KLHL1: variants seen among roughly 807,000 people sequenced by gnomAD.
KLHL1 encodes the protein kelch like family member 1, also known as kelch-like protein 1.
In KLHL1, 47 loss-of-function variants were observed where a neutral mutation model predicts 77.7. The ratio of observed to expected loss-of-function variants is 0.60; its 90% CI spans 0.48 to 0.77. The LOEUF (loss-of-function observed/expected upper bound fraction) is 0.77. Among genes scored for constraint, KLHL1 ranks in the 30% least tolerant of loss-of-function variants. KLHL1 has a pLI of 0.00. For missense variants in KLHL1, 925 were observed against 910.8 expected, an observed-to-expected ratio of 1.02 and a Z score of -0.20; for synonymous variants, 360 against 325.2, an observed-to-expected ratio of 1.11 and a Z score of -1.15.
chr13:70,086,613 AGAAAGAAAG>A (rs1566564308), intron 1 of KLHL1, among the ~76,000 whole-genome samples: 1 of 103,338 alleles, frequency 9.7e-6, no homozygotes, highest in Non-Finnish European at 2.2e-5. Flanking sequence ...AAAGAAAGAA[AGAAAGAAAG>A]AAAGAAAGAA....
intron 7 of KLHL1, among the ~76,000 whole-genome samples, chr13:69,791,092 C>CAAAG (rs1386245614): frequency 6.6e-6 from 1 of 151,604 alleles, no homozygotes; most frequent in Non-Finnish European, 1.5e-5. Flanking sequence ...ATAATAAATA[C>CAAAG]AAAGAAATAT....
intron 1 of KLHL1, among the ~76,000 whole-genome samples, chr13:70,026,146 A>G (rs924953997): frequency 2.6e-5 from 4 of 152,286 alleles, no homozygotes; most frequent in Middle Eastern, 6.8e-3. Flanking sequence ...TCAGCAATAA[A>G]TAAATAATCT....
chr13:70,028,360 G>A (rs1380079824), intron 1 of KLHL1, among the ~76,000 whole-genome samples: 2 of 152,096 alleles, frequency 1.3e-5, no homozygotes, highest in Non-Finnish European at 2.9e-5. Flanking sequence ...TATATAGACA[G>A]AGGTATGTCT....
At chr13:70,018,081 C>A (rs951401645) in intron 1 of KLHL1, among the ~76,000 whole-genome samples, 23 of 151,892 alleles carry the variant, frequency 1.5e-4, no homozygotes, top group African/African-American at 5.1e-4. Flanking sequence ...ATCTTTAAAT[C>A]TATGAAAATA....
chr13:70,063,353 G>A (rs549928742), intron 1 of KLHL1, among the ~76,000 whole-genome samples: 6 of 152,084 alleles, frequency 3.9e-5, no homozygotes, highest in Non-Finnish European at 8.8e-5. Context: ...TAAATCTTAT[G>A]TTCTTTATAA....
chr13:70,001,202 A>G (rs1200622835), intron 1 of KLHL1, among the ~76,000 whole-genome samples: 2 of 151,136 alleles, frequency 1.3e-5, no homozygotes, highest in African/African-American at 4.8e-5. Context: ...AGAAAATATA[A>G]AACAGGAAAT....
At chr13:70,105,896 A>C (rs1456490247) in intron 1 of KLHL1, among the ~76,000 whole-genome samples, 2 of 150,854 alleles carry the variant, frequency 1.3e-5, no homozygotes, top group Non-Finnish European at 3.0e-5. Context: ...TCCAGATTAT[A>C]CTTCTCCCTC....
intron 4 of KLHL1, among the ~76,000 whole-genome samples, chr13:69,922,830 G>T (rs1275960729): frequency 6.6e-6 from 1 of 152,074 alleles, no homozygotes. Flanking sequence ...AGTTAAAAAG[G>T]TCTATTCCTT....
intron 1 of KLHL1, among the ~76,000 whole-genome samples, chr13:70,068,339 T>TCAAAAACAAAAACAAAAA (rs72187113): frequency 1.3e-5 from 2 of 148,804 alleles, no homozygotes; most frequent in Admixed American, 6.7e-5. Flanking sequence ...AGACTCCGTC[T>TCAAAAACAAAAACAAAAA]CAAAAACAAA....
intron 8 of KLHL1, among the ~76,000 whole-genome samples, chr13:69,724,172 A>C (rs1566183504): frequency 6.6e-6 from 1 of 152,002 alleles, no homozygotes; most frequent in Non-Finnish European, 1.5e-5. Context: ...TATGACCTGG[A>C]AGTCCCCAAT....
At chr13:70,094,503 T>C (rs903741574) in intron 1 of KLHL1, among the ~76,000 whole-genome samples, 1 of 151,576 alleles carries the variant, frequency 6.6e-6, no homozygotes, top group South Asian at 2.1e-4. Context: ...TAAAATTATG[T>C]AGTCTCACGT....
chr13:69,810,850 C>T (rs1877848921), intron 6 of KLHL1, among the ~76,000 whole-genome samples: 1 of 152,012 alleles, frequency 6.6e-6, no homozygotes, highest in African/African-American at 2.4e-5. Context: ...ATGAACACCT[C>T]TATGCACACA....
In KLHL1 at chr13:69,936,965, G is replaced by A. The variant is rs2482570; in HGVS notation, c.1014+3075C>T. Among the ~76,000 whole-genome samples the A allele has an allele frequency of 6.5e-3, 992 of 152,226 alleles. 15 individuals are homozygous for A. The highest frequency in any genetic ancestry group is 0.023 in the African/African-American group (946 of 41,548). On this transcript the variant is annotated intron_variant, in intron 4 of 10. Transcript: ENST00000377844. ...TACATATCTTCCTGCAACTGCCCGTGGAGAATAATGGCTGCTGCTTCTCTT... is the reference window on the plus strand; with the variant it reads ...TACATATCTTCCTGCAACTGCCCGTAGAGAATAATGGCTGCTGCTTCTCTT...
rs142565741 is a variant in KLHL1 at position 69,870,805 on chromosome 13, A to G, written c.1227+11478T>C. Among the ~76,000 whole-genome samples the G allele has an allele frequency of 4.9e-4, 74 of 152,080 alleles. 1 individual carries two copies. The highest frequency in any genetic ancestry group is 1.7e-3 in the African/African-American group (69 of 41,532). On this transcript the variant is annotated intron_variant, in intron 5 of 10. Transcript: ENST00000377844. ...TTGACACTCCAAAATCATCTCCTGT[A>G]ACTCTATGTCCGGCACCTGGGGCAC... is the stretch of plus-strand genomic sequence containing the variant.
chr13:69,830,093 G>A (rs1313244405), intron 6 of KLHL1, among the ~76,000 whole-genome samples: 1 of 149,894 alleles, frequency 6.7e-6, no homozygotes, highest in Non-Finnish European at 1.5e-5. Flanking sequence ...AAAAAGAATA[G>A]TACCTCACAT....
At chr13:69,958,004 C>T (rs1292550660) in intron 3 of KLHL1, among the ~76,000 whole-genome samples, 1 of 151,692 alleles carries the variant, frequency 6.6e-6, no homozygotes, top group Non-Finnish European at 1.5e-5. Flanking sequence ...AAACTAACTT[C>T]ATACCTTAAA....
At chr13:70,009,339 T>G (rs1182519786) in intron 1 of KLHL1, among the ~76,000 whole-genome samples, 1 of 152,164 alleles carries the variant, frequency 6.6e-6, no homozygotes, top group East Asian at 1.9e-4. Flanking sequence ...ATTCATGAAC[T>G]GTGTTTTAAG....
intron 3 of KLHL1, among the ~76,000 whole-genome samples, chr13:69,940,842 T>C: frequency 6.6e-6 from 1 of 150,854 alleles, no homozygotes; most frequent in South Asian, 2.1e-4. Context: ...GTGTTTCCTC[T>C]GTTTTTCTAA....
At chr13:70,080,028 G>A (rs945030976) in intron 1 of KLHL1, among the ~76,000 whole-genome samples, 21 of 152,168 alleles carry the variant, frequency 1.4e-4, no homozygotes, top group East Asian at 1.9e-4. Context: ...GTAAAAGAAG[G>A]GATTTGTGGA....
Sources: allele counts gnomAD v4.1 joint callset (sites outside exome capture counted in the v4.1 genomes callset), GRCh38; gene constraint gnomAD v4.1.1; transcripts MANE v1.5; gene names NCBI Gene and HGNC (gene_info 2026-07-23, HGNC 2026-07-21).